The following WRN variants were observed in gnomAD, a reference collection of about 807,000 sequenced individuals.
WRN encodes WRN RecQ like helicase.
A neutral mutation model predicts 180.7 loss-of-function variants in WRN; 149 were observed. The ratio of observed to expected loss-of-function variants is 0.82; its 90% CI spans 0.72 to 0.94. The LOEUF is 0.94. Ranked by LOEUF, WRN falls within the 40% of genes least tolerant of loss-of-function variation. The pLI is 0.00. For missense variants in WRN, 1,661 were observed against 1,700.1 expected (o/e 0.98, Z 0.40); for synonymous variants, 548 against 568.9 (o/e 0.96, Z 0.52).
chr8:31,101,390 C>T (rs1435992726), intron 18 of WRN, among the ~76,000 whole-genome samples: 1 of 152,088 alleles, frequency 6.6e-6, no homozygotes, highest in African/African-American at 2.4e-5. Flanking sequence ...TCCTGGTTAC[C>T]CCTTCTTGTA....
chr8:31,085,482 T>A (rs1813494897), intron 11 of WRN, among the ~76,000 whole-genome samples: 2 of 151,510 alleles, frequency 1.3e-5, no homozygotes, highest in Admixed American at 1.3e-4. Context: ...TTTTTTTTTT[T>A]ATTTTGAGAC....
intron 32 of WRN, among the ~76,000 whole-genome samples, chr8:31,157,045 T>G (rs1803410935): frequency 6.6e-6 from 1 of 152,240 alleles, no homozygotes; most frequent in Admixed American, 6.5e-5. Context: ...TTGTGACAAC[T>G]ATTAGACTTA....
intron 20 of WRN, among the ~76,000 whole-genome samples, chr8:31,117,600 T>G (rs1453810422): frequency 1.3e-5 from 2 of 152,106 alleles, no homozygotes; most frequent in Non-Finnish European, 2.9e-5. Flanking sequence ...ACTGTAACTA[T>G]AAGTCCGAGG....
Position 31,142,545 on chromosome 8 carries a change from T to C in WRN, c.3234-81T>C, listed in dbSNP as rs183427240. ...AAAAGGGTAATATCTTATTCATCTT[T>C]CTGAGAATGGAGTATCATGATTCAT... On this transcript the variant is annotated intron_variant, in intron 26 of 34. Coordinates refer to ENST00000298139, the MANE Select transcript of WRN (RefSeq NM_000553.6). The C allele has an allele frequency of 1.4e-4, 156 of 1,110,264 alleles. 1 individual carries two copies. The East Asian group carries it at 4.0e-3, about 28-fold the overall frequency. 68.8% of individuals were successfully genotyped at this position (1,110,264 alleles called of 1,614,324 possible).
chr8:31,148,081 T>C (rs550091451), intron 30 of WRN, among the ~76,000 whole-genome samples: 16 of 152,148 alleles, frequency 1.1e-4, no homozygotes, highest in African/African-American at 3.6e-4. Context: ...GAGACAGGGT[T>C]TTGCCATATT....
intron 20 of WRN, among the ~76,000 whole-genome samples, chr8:31,117,540 A>C (rs1295066076): frequency 2.0e-5 from 3 of 152,148 alleles, no homozygotes; most frequent in Non-Finnish European, 2.9e-5. Context: ...AGTTCAAGGC[A>C]CATGAGTAGG....
chr8:31,147,926 TGCCCAG>T (rs1257531240), intron 30 of WRN, among the ~76,000 whole-genome samples: 1 of 151,106 alleles, frequency 6.6e-6, no homozygotes, highest in South Asian at 2.1e-4. Context: ...CTCACTGTGT[TGCCCAG>T]GCTGGAGTGT....
At chr8:31,072,463 G>C (rs1812947779) in intron 7 of WRN, among the ~76,000 whole-genome samples, 1 of 152,122 alleles carries the variant, frequency 6.6e-6, no homozygotes, top group Admixed American at 6.5e-5. Context: ...GAGGTGGGTG[G>C]AAGTCATATT....
rs1802842978 is a variant in WRN, at chr8:31,146,007, T to C, written c.3384-1046T>C. On this transcript the variant is annotated intron_variant, in intron 28 of 34. Transcript: ENST00000298139. ...TCCTTAAAATAATACCTATACTTGATATAAAAAGTTAATTGGAAATTAGTG... is the reference window on the plus strand; with the variant it reads ...TCCTTAAAATAATACCTATACTTGACATAAAAAGTTAATTGGAAATTAGTG... Among the ~76,000 whole-genome samples, 9 of 151,938 alleles carry C rather than the reference T, an allele frequency of 5.9e-5. 1 individual carries two copies. The South Asian group carries it at 1.9e-3, about 32-fold the overall frequency.
intron 7 of WRN, among the ~76,000 whole-genome samples, chr8:31,074,787 A>C (rs1359968702): frequency 6.6e-6 from 1 of 152,170 alleles, no homozygotes; most frequent in Non-Finnish European, 1.5e-5. Flanking sequence ...GATTACTGTA[A>C]TGTGGGTAAG....
intron 16 of WRN, among the ~76,000 whole-genome samples, chr8:31,096,070 A>G (rs1003393026): frequency 2.6e-5 from 4 of 152,252 alleles, no homozygotes; most frequent in Admixed American, 2.0e-4. Context: ...GCTGTTTGAC[A>G]TCAGAGCTTA....
chr8:31,155,639 A>G (rs2130474418), intron 32 of WRN, among the ~76,000 whole-genome samples: 1 of 151,992 alleles, frequency 6.6e-6, no homozygotes, highest in Middle Eastern at 3.4e-3. Context: ...AAAAAAAAAA[A>G]AGACCATATG....
rs745685947 is a variant in WRN, at chr8:31,087,776, T to C, written c.1432T>C (p.Ser478Pro). The C allele has an allele frequency of 2.5e-5, 41 of 1,613,234 alleles. No individual in the cohort carries two copies. Among genetic ancestry groups the C allele is most frequent in the Non-Finnish European group, 3.5e-5 (41 of 1,179,564 alleles). The change falls in exon 12 of 35, where the codon TCT becomes CCT. Residue 478 changes from serine (S) to proline (P), a missense_variant and splice_region_variant. Transcript: ENST00000298139. Reference protein sequence around the residue: ...DEDLEMEMLKSLENLNSGTVE... With the variant: ...DEDLEMEMLKPLENLNSGTVE... ...TTTAAGATTTCTTTTAAACTTTCAG[T>C]CTTTAGAAAACCTCAATAGTGGCAC...
intron 18 of WRN, among the ~76,000 whole-genome samples, chr8:31,104,947 A>G (rs1395387002): frequency 2.0e-5 from 3 of 152,154 alleles, no homozygotes; most frequent in African/African-American, 7.2e-5. Flanking sequence ...TTGTGAGTAA[A>G]CTGTGTTAGA....
intron 3 of WRN, among the ~76,000 whole-genome samples, chr8:31,063,330 T>A (rs776140831): frequency 1.3e-5 from 2 of 152,246 alleles, no homozygotes; most frequent in African/African-American, 2.4e-5. Flanking sequence ...TATCTTACTA[T>A]GTTTCATTAT....
At chr8:31,111,918 C>T (rs987237045) in intron 19 of WRN, 119 bp downstream of exon 19, 2 of 1,285,376 alleles carry the variant, frequency 1.6e-6, no homozygotes, top group Non-Finnish European at 2.2e-6. Flanking sequence ...ATTTCAAATT[C>T]CACCTAGTTT....
Position 31,058,479 on chromosome 8 carries a change from A to C in WRN, c.32A>C (p.Gln11Pro), listed in dbSNP as rs1210013520. 6.2e-7 allele frequency: 1 copy of C among 1,613,832 alleles called. No homozygotes were observed. Among genetic ancestry groups the C allele is most frequent in the Admixed American group, 1.7e-5 (1 of 60,024 alleles). MSEKKLETTAQQRKCPEWMNV... is the reference protein window; with the variant it reads MSEKKLETTAPQRKCPEWMNV... The stretch of plus-strand genomic sequence containing the variant: ...GAAAAAAAATTGGAAACAACTGCAC[A>C]GCAGCGGAAATGTCCTGAATGGATG... Residue 11 changes from glutamine (Q) to proline (P), a missense_variant, in exon 2 of 35, where the codon CAG becomes CCG. Physicochemically the swap from Gln to Pro is moderately conservative, Grantham distance 76. Transcript: ENST00000298139.
chr8:31,125,126 G>A, intron 23 of WRN, 126 bp downstream of exon 23: 3 of 907,086 alleles, frequency 3.3e-6, no homozygotes, highest in Non-Finnish European at 5.2e-6. Flanking sequence ...AATGTGTTTA[G>A]ATATGAGAAA....
chr8:31,110,034 T>C (rs1054109621), intron 18 of WRN, among the ~76,000 whole-genome samples: 1 of 152,206 alleles, frequency 6.6e-6, no homozygotes, highest in Non-Finnish European at 1.5e-5. Context: ...ATCACTGTTT[T>C]TAATATGTGG....
Sources: allele counts gnomAD v4.1 joint callset (sites outside exome capture counted in the v4.1 genomes callset), GRCh38; gene constraint gnomAD v4.1.1; transcripts MANE v1.5; gene names NCBI Gene and HGNC (gene_info 2026-07-23, HGNC 2026-07-21).